Variants in BRINP3 observed in about 807,000 individuals in gnomAD.
The protein encoded by BRINP3 is BMP/retinoic acid-inducible neural-specific protein 3.
Under a neutral mutation model 71.0 loss-of-function variants are expected in BRINP3, and 19 were observed. The ratio of observed to expected loss-of-function variants is 0.27; its 90% CI spans 0.19 to 0.39. BRINP3 has a LOEUF of 0.39. Ranked by LOEUF, BRINP3 falls within the 10% of genes least tolerant of loss-of-function variation. The pLI is 1.00. For synonymous variants in BRINP3, 380 were observed against 337.7 expected, an observed-to-expected ratio of 1.13 and a Z score of -1.37; for missense variants, 959 against 940.8, an observed-to-expected ratio of 1.02 and a Z score of -0.25.
At chr1:190,426,808 T>C (rs1022430483) in intron 2 of BRINP3, among the ~76,000 whole-genome samples, 1 of 151,944 alleles carries the variant, frequency 6.6e-6, no homozygotes, top group African/African-American at 2.4e-5. Flanking sequence ...ATGAGTATTA[T>C]AATTTTGAAT....
At chr1:190,233,721 G>A (rs906365878) in intron 5 of BRINP3, among the ~76,000 whole-genome samples, 7 of 152,098 alleles carry the variant, frequency 4.6e-5, no homozygotes, top group African/African-American at 1.7e-4. Context: ...GTTTAAACGT[G>A]TGTATTCATA....
At chr1:190,426,741 T>C (rs1014494854) in intron 2 of BRINP3, among the ~76,000 whole-genome samples, 2 of 151,916 alleles carry the variant, frequency 1.3e-5, no homozygotes, top group Admixed American at 1.3e-4. Flanking sequence ...TAGTTTACAA[T>C]TATGCCTATG....
At chr1:190,398,147 G>A (rs1671696696) in intron 2 of BRINP3, among the ~76,000 whole-genome samples, 1 of 151,846 alleles carries the variant, frequency 6.6e-6, no homozygotes, top group Non-Finnish European at 1.5e-5. Context: ...TGATTTTAGA[G>A]GGTAGCTAAA....
At chr1:190,189,070 A>G (rs934640383) in intron 6 of BRINP3, among the ~76,000 whole-genome samples, 1 of 151,998 alleles carries the variant, frequency 6.6e-6, no homozygotes, top group Non-Finnish European at 1.5e-5. Context: ...GAATGTTTGC[A>G]TCTGTTTTCA....
intron 7 of BRINP3, among the ~76,000 whole-genome samples, chr1:190,107,285 A>T (rs1358016158): frequency 6.6e-6 from 1 of 151,936 alleles, no homozygotes; most frequent in Non-Finnish European, 1.5e-5. Flanking sequence ...CATTCTGACA[A>T]CATCTAGCTG....
intron 2 of BRINP3, among the ~76,000 whole-genome samples, chr1:190,347,288 G>A (rs1202598070): frequency 2.0e-5 from 3 of 151,938 alleles, no homozygotes; most frequent in African/African-American, 7.2e-5. Flanking sequence ...CTTCAGGTGC[G>A]TGCCACCACG....
chr1:190,111,281 A>G (rs973409696), intron 7 of BRINP3, among the ~76,000 whole-genome samples: 6 of 150,748 alleles, frequency 4.0e-5, no homozygotes, highest in African/African-American at 1.5e-4. Flanking sequence ...TTATTTAAAC[A>G]GTTTACTCAA....
intron 2 of BRINP3, among the ~76,000 whole-genome samples, chr1:190,399,069 T>G (rs1221440189): frequency 6.6e-6 from 1 of 152,020 alleles, no homozygotes; most frequent in Non-Finnish European, 1.5e-5. Flanking sequence ...AAATTACTAT[T>G]AATTTACCTC....
At chr1:190,147,936 T>C (rs1210485691) in intron 7 of BRINP3, among the ~76,000 whole-genome samples, 1 of 152,188 alleles carries the variant, frequency 6.6e-6, no homozygotes, top group Non-Finnish European at 1.5e-5. Flanking sequence ...GCTGTAATTG[T>C]TGACTTGGAG....
In BRINP3 at chr1:190,461,348, C is replaced by G. The variant is rs1041413770; in HGVS notation, c.-50-6408G>C. Among the ~76,000 whole-genome samples, 46 of 152,222 alleles carry G rather than the reference C, an allele frequency of 3.0e-4. 1 individual carries two copies. Among genetic ancestry groups the G allele is most frequent in the Admixed American group, 2.9e-3 (44 of 15,284 alleles). The stretch of plus-strand genomic sequence containing the variant: ...TTTGGACTAGGATCTCTTCATCTGC[C>G]TAACATTGACCTTAAAACCTCAGAC... On this transcript the variant is annotated intron_variant, in intron 1 of 7. Coordinates refer to ENST00000367462, the MANE Select transcript of BRINP3 (RefSeq NM_199051.3).
rs148243072 is a variant in BRINP3, at chr1:190,134,195, C to T, written c.1184+26473G>A. Among the ~76,000 whole-genome samples, 119 of 151,972 alleles carry T rather than the reference C, an allele frequency of 7.8e-4. 1 individual carries two copies. Among genetic ancestry groups the T allele is most frequent in the African/African-American group, 2.8e-3 (118 of 41,480 alleles). ...GGTGGTTAGGGAGTCTTGGGAAAGC[C>T]TCTTCGTGGAGGTGATATTTCAACT... is the stretch of plus-strand genomic sequence containing the variant. On this transcript the variant is annotated intron_variant, in intron 7 of 7. Coordinates refer to ENST00000367462, the MANE Select transcript of BRINP3 (RefSeq NM_199051.3).
intron 3 of BRINP3, among the ~76,000 whole-genome samples, chr1:190,276,869 T>G (rs200420158): frequency 2.0e-5 from 3 of 150,582 alleles, no homozygotes; most frequent in African/African-American, 7.3e-5. Context: ...TAAGAAATAC[T>G]TTCAGAAAAA....
rs561474944 is a variant in BRINP3 at position 190,325,850 on chromosome 1, T to C, written c.237-44100A>G. On this transcript the variant is annotated intron_variant, in intron 2 of 7. Coordinates refer to ENST00000367462, the MANE Select transcript of BRINP3 (RefSeq NM_199051.3). Reference sequence around the variant, plus strand: ...TGTCATTTTCACATGTTGTGATATCTAATTTATACTGCTCAAGTGGATCCT... The same window carrying C: ...TGTCATTTTCACATGTTGTGATATCCAATTTATACTGCTCAAGTGGATCCT... Among the ~76,000 whole-genome samples, 47 of 152,244 alleles carry C rather than the reference T, an allele frequency of 3.1e-4. No individual in the cohort carries two copies. In the South Asian group the frequency reaches 9.3e-3, roughly 30 times the overall value.
intron 2 of BRINP3, among the ~76,000 whole-genome samples, chr1:190,439,532 CGT>C (rs563209401): frequency 2.0e-5 from 3 of 150,994 alleles, no homozygotes; most frequent in Admixed American, 2.0e-4. Context: ...TGTAAGAGTA[CGT>C]GTGTGTGTGT....
chr1:190,423,749 A>T (rs1022649337), intron 2 of BRINP3, among the ~76,000 whole-genome samples: 11 of 151,586 alleles, frequency 7.3e-5, no homozygotes, highest in African/African-American at 2.4e-4. Context: ...TCCACCCCCT[A>T]CCCTAAACTA....
intron 2 of BRINP3, among the ~76,000 whole-genome samples, chr1:190,434,833 T>C (rs775489458): frequency 6.6e-6 from 1 of 152,096 alleles, no homozygotes; most frequent in Non-Finnish European, 1.5e-5. Context: ...TGTTAAATAT[T>C]TGCAAAGTTT....
intron 2 of BRINP3, among the ~76,000 whole-genome samples, chr1:190,333,215 C>CA: frequency 6.6e-6 from 1 of 151,708 alleles, no homozygotes; most frequent in East Asian, 1.9e-4. Context: ...AATCAATGTA[C>CA]AAAAAAATTA....
intron 2 of BRINP3, among the ~76,000 whole-genome samples, chr1:190,356,629 T>C (rs1668750543): frequency 2.0e-5 from 3 of 151,972 alleles, no homozygotes; most frequent in Non-Finnish European, 2.9e-5. Context: ...CCTGCCTCTC[T>C]TTTTCATATT....
chr1:190,178,079 T>C (rs940499833), intron 6 of BRINP3, among the ~76,000 whole-genome samples: 2 of 152,208 alleles, frequency 1.3e-5, no homozygotes, highest in Non-Finnish European at 2.9e-5. Flanking sequence ...TAAGCATCCA[T>C]GTATTTTGGT....
Sources: gnomAD v4.1 joint callset for allele counts (sites outside exome capture counted in the v4.1 genomes callset) on GRCh38, gnomAD v4.1.1 for gene constraint, MANE v1.5 for transcripts, NCBI Gene and HGNC (gene_info 2026-07-23, HGNC 2026-07-21) for gene names.